Variants in ANKRD11 observed in about 807,000 individuals in gnomAD.
ANKRD11 encodes the protein ankyrin repeat domain-containing protein 11.
A neutral mutation model predicts 195.7 loss-of-function variants in ANKRD11; 17 were observed. The ratio of observed to expected loss-of-function variants is 0.09; its 90% CI spans 0.06 to 0.13. The LOEUF (loss-of-function observed/expected upper bound fraction) is 0.13. Among genes scored for constraint, ANKRD11 ranks in the 10% least tolerant of loss-of-function variants. ANKRD11 has a pLI of 1.00. For missense variants in ANKRD11, 3,735 were observed against 3,566.1 expected (o/e 1.05, Z -1.21); for synonymous variants, 1,953 against 1,528.1 (o/e 1.28, Z -6.49).
intron 2 of ANKRD11, among the ~76,000 whole-genome samples, chr16:89,413,503 T>C (rs1387339791): frequency 2.0e-5 from 3 of 152,146 alleles, no homozygotes; most frequent in Non-Finnish European, 2.9e-5. Context: ...CGGGCACCTA[T>C]AGTCCCAGCT....
rs535052347 is a variant in ANKRD11 at position 89,394,173 on chromosome 16, C to T, written c.-60+24111G>A. 6.2e-4 allele frequency among the ~76,000 whole-genome samples: 94 copies of T among 151,974 alleles called. 2 individuals carry two copies. The highest frequency in any genetic ancestry group is 2.9e-3 in the South Asian group (14 of 4,796). On this transcript the variant is annotated intron_variant, in intron 2 of 12. Transcript: ENST00000301030. ...AAGCACAATGTCCTCCTGAGGTCAACGGGCAGGTGGCAGGAGCCTCTGACC... is the reference window on the plus strand; with the variant it reads ...AAGCACAATGTCCTCCTGAGGTCAATGGGCAGGTGGCAGGAGCCTCTGACC...
At chr16:89,355,203 G>A (rs998660963) in intron 2 of ANKRD11, among the ~76,000 whole-genome samples, 4 of 152,056 alleles carry the variant, frequency 2.6e-5, no homozygotes, top group East Asian at 3.9e-4. Context: ...GGTGATGCTC[G>A]GGAGGCGGGC....
chr16:89,478,345 T>C (rs754678683), intron 1 of ANKRD11, among the ~76,000 whole-genome samples: 54 of 152,012 alleles, frequency 3.6e-4, no homozygotes, highest in African/African-American at 7.5e-4. Context: ...GTTTTTTTTT[T>C]AACGTCCTTC....
chr16:89,476,850 A>G (rs2152362593), intron 1 of ANKRD11, among the ~76,000 whole-genome samples: 1 of 149,956 alleles, frequency 6.7e-6, no homozygotes, highest in East Asian at 2.0e-4. Context: ...GAAAAGACAC[A>G]GTCCTGACTT....
At position 89,285,596 on chromosome 16, in the gene ANKRD11, C is replaced by T. The variant is rs922151127; in HGVS notation, c.946G>A (p.Gly316Ser). The change falls in exon 9 of 13, where the codon GGC (glycine) becomes AGC (serine). Residue 316 changes from glycine (G) to serine (S), a missense_variant. Transcript: ENST00000301030. The surrounding 1 kb of genome is among the most constrained non-coding windows in gnomAD (Gnocchi z 5.6). ...TCGAACTCGGAGTCCGTGTTGTTGC[C>T]GTCGACTGAACTGGAAGGTGCGAAG... ...PSFAPSSSVD[G>S]NNTDSEFEKG... 7 of 1,613,978 alleles carry T rather than the reference C, an allele frequency of 4.3e-6. No homozygotes were observed. The highest frequency in any genetic ancestry group is 1.1e-5 in the South Asian group (1 of 91,076).
chr16:89,322,508 A>G (rs1303463203), intron 2 of ANKRD11, among the ~76,000 whole-genome samples: 1 of 152,224 alleles, frequency 6.6e-6, no homozygotes, highest in East Asian at 1.9e-4. Context: ...TCAGAGGCCC[A>G]GGAGGAGGAA....
intron 2 of ANKRD11, among the ~76,000 whole-genome samples, chr16:89,383,247 AAGC>A: frequency 6.6e-6 from 1 of 152,324 alleles, no homozygotes; most frequent in Admixed American, 6.5e-5. Flanking sequence ...AGCTGGCTGA[AAGC>A]TCAAGATAAC....
chr16:89,418,028 T>A (rs1442080590), intron 2 of ANKRD11, among the ~76,000 whole-genome samples: 1 of 152,194 alleles, frequency 6.6e-6, no homozygotes, highest in East Asian at 1.9e-4. Context: ...TTATAGGCTA[T>A]TAACAACCTA....
chr16:89,280,204 C>T lies in ANKRD11; in HGVS notation c.6338G>A (p.Gly2113Asp). Residue 2113 changes from glycine (G) to aspartate (D), a missense_variant, in exon 9 of 13, where the codon GGC (glycine) becomes GAC (aspartate). Coordinates refer to ENST00000301030, the MANE Select transcript of ANKRD11 (RefSeq NM_013275.6). ...LDGSRGLSHL[G>D]QVEPVPWADA... ...CGCCCAGGGCACCGGCTCCACCTGG[C>T]CGAGGTGAGACAGGCCGCGGCTGCC... 1 of 1,608,262 alleles carries T rather than the reference C, an allele frequency of 6.2e-7. No homozygotes were observed. Among genetic ancestry groups the T allele is most frequent in the Non-Finnish European group, 8.5e-7 (1 of 1,179,120 alleles).
intron 1 of ANKRD11, among the ~76,000 whole-genome samples, chr16:89,454,107 G>C (rs908726511): frequency 9.2e-5 from 14 of 152,280 alleles, no homozygotes; most frequent in African/African-American, 3.1e-4. Context: ...ATGGGGGAGT[G>C]CTTCACAACA....
intron 1 of ANKRD11, among the ~76,000 whole-genome samples, chr16:89,463,085 C>A (rs1308227094): frequency 2.1e-5 from 3 of 144,292 alleles, no homozygotes; most frequent in Non-Finnish European, 3.0e-5. Context: ...AGCCGCCCCG[C>A]CCGGGAGGTG....
Position 89,281,538 on chromosome 16 carries a change from T to C in ANKRD11, c.5004A>G (p.Leu1668=). ...TPIPPAAENK[L]HPASGADSKD... ...TGGAGTCTGCACCTGATGCTGGGTG[T>C]AGCTTATTTTCCGCGGCAGGTGGAA... Residue 1668 remains leucine, a synonymous_variant, in exon 9 of 13, where the codon CTA becomes CTG. Coordinates refer to ENST00000301030, the MANE Select transcript of ANKRD11 (RefSeq NM_013275.6). The surrounding 1 kb of genome is among the most constrained non-coding windows in gnomAD (Gnocchi z 5.5). 6.2e-7 allele frequency: 1 copy of C among 1,614,178 alleles called. No individual in the cohort carries two copies. Among genetic ancestry groups the C allele is most frequent in the Non-Finnish European group, 8.5e-7 (1 of 1,180,032 alleles).
chr16:89,473,631 C>G (rs2057161325), intron 1 of ANKRD11, among the ~76,000 whole-genome samples: 1 of 152,214 alleles, frequency 6.6e-6, no homozygotes, highest in African/African-American at 2.4e-5. Flanking sequence ...GCACCGCTCT[C>G]CCACAGACTG....
intron 2 of ANKRD11, among the ~76,000 whole-genome samples, chr16:89,407,852 C>CAAAAAAAAAAA (rs60723753): frequency 9.0e-6 from 1 of 111,440 alleles, no homozygotes. Context: ...TGTCTCCCTC[C>CAAAAAAAAAAA]AAAAAAAAAA....
intron 2 of ANKRD11, among the ~76,000 whole-genome samples, chr16:89,345,501 CCTCCAGTGGCCCCAGGCT>C (rs1262068513): frequency 1.3e-5 from 2 of 152,192 alleles, no homozygotes; most frequent in East Asian, 3.9e-4. Context: ...GAGACCAGGC[CCTCCAGTGGCCCCAGGCT>C]CTCCAACTTC....
At position 89,342,032 on chromosome 16, in the gene ANKRD11, GCC is replaced by G. The variant is rs1259713490; in HGVS notation, c.-59-24956_-59-24955del. ...ACGGCGGGAGTGCTGCACCTCCACT[GCC>G]CACAGCGGCCACGGCCCACGGCGGG... On this transcript the variant is annotated intron_variant, in intron 2 of 12. Coordinates refer to ENST00000301030, the MANE Select transcript of ANKRD11 (RefSeq NM_013275.6). Among the ~76,000 whole-genome samples, 297 of 36,518 alleles carry G rather than the reference GCC, an allele frequency of 8.1e-3. 2 individuals are homozygous for G. Among genetic ancestry groups the G allele is most frequent in the East Asian group, 0.048 (97 of 2,042 alleles). 24.0% of individuals were successfully genotyped at this position (36,518 alleles called of 152,430 possible).
At chr16:89,393,300 C>A (rs1456541706) in intron 2 of ANKRD11, among the ~76,000 whole-genome samples, 1 of 151,102 alleles carries the variant, frequency 6.6e-6, no homozygotes, top group Non-Finnish European at 1.5e-5. Context: ...CTTTTTTTTA[C>A]TTTTTTTATT....
intron 1 of ANKRD11, among the ~76,000 whole-genome samples, chr16:89,436,449 G>T (rs2043219937): frequency 1.3e-5 from 2 of 151,990 alleles, no homozygotes; most frequent in Admixed American, 6.6e-5. Flanking sequence ...TCTCCTGACA[G>T]ATGACATTCA....
In ANKRD11 at chr16:89,490,515, C is replaced by A. The variant is rs1348014655; in HGVS notation, c.-415G>T. The A allele has an allele frequency of 2.1e-6, 1 of 471,146 alleles. No homozygotes were observed. Among genetic ancestry groups the A allele is most frequent in the Non-Finnish European group, 3.8e-6 (1 of 262,254 alleles). The allele number at this position is 471,146 out of a possible 1,614,324, so 29.2% of individuals were successfully genotyped here. ...CCGCGGGCTCGGCGGCGGCGCCTCCCCGGCTGGGGCCCTCGGTCCATCGCG... is the reference window on the plus strand; with the variant it reads ...CCGCGGGCTCGGCGGCGGCGCCTCCACGGCTGGGGCCCTCGGTCCATCGCG... On this transcript the variant is annotated 5_prime_UTR_variant, in exon 1 of 13. Transcript: ENST00000301030.
Sources: allele counts gnomAD v4.1 joint callset (sites outside exome capture counted in the v4.1 genomes callset), GRCh38; gene constraint gnomAD v4.1.1; non-coding constraint Gnocchi (gnomAD v3.1); transcripts MANE v1.5; gene names NCBI Gene and HGNC (gene_info 2026-07-23, HGNC 2026-07-21).